DOCK10: variants seen among roughly 807,000 people sequenced by gnomAD.
DOCK10 encodes the protein dedicator of cytokinesis protein 10.
In DOCK10, 145 loss-of-function variants were observed where a neutral mutation model predicts 280.1. The observed-to-expected ratio is 0.52, with a 90% CI of 0.45 to 0.59. DOCK10 has a LOEUF of 0.59. Ranked by LOEUF, DOCK10 falls within the 20% of genes least tolerant of loss-of-function variation. The pLI is 0.00. For synonymous variants in DOCK10, 915 were observed against 942.2 expected, an observed-to-expected ratio of 0.97 and a Z score of 0.53; for missense variants, 2,368 against 2,651.7, an observed-to-expected ratio of 0.89 and a Z score of 2.35.
At chr2:225,016,864 G>C (rs1220590125) in intron 1 of DOCK10, among the ~76,000 whole-genome samples, 1 of 125,520 alleles carries the variant, frequency 8.0e-6, no homozygotes, top group African/African-American at 2.7e-5. Context: ...CACCATGCCT[G>C]GCTAATTTTT....
At chr2:224,824,074 A>G (rs1022598856) in intron 27 of DOCK10, among the ~76,000 whole-genome samples, 7 of 152,336 alleles carry the variant, frequency 4.6e-5, no homozygotes, top group Admixed American at 3.9e-4. Flanking sequence ...ATTTAAAAAT[A>G]AATTATTTTG....
chr2:224,953,789 C>A (rs1703892632), intron 1 of DOCK10, among the ~76,000 whole-genome samples: 1 of 152,102 alleles, frequency 6.6e-6, no homozygotes, highest in Non-Finnish European at 1.5e-5. Context: ...TACCTTTGTG[C>A]CAATCTAATC....
chr2:224,874,978 G>A (rs1411766056), intron 8 of DOCK10, among the ~76,000 whole-genome samples: 4 of 152,160 alleles, frequency 2.6e-5, no homozygotes, highest in Non-Finnish European at 5.9e-5. Context: ...ATACCATCTT[G>A]TGTCCACAAG....
chr2:224,824,867 A>G (rs1388501700), intron 27 of DOCK10, among the ~76,000 whole-genome samples: 1 of 152,076 alleles, frequency 6.6e-6, no homozygotes, highest in East Asian at 1.9e-4. Context: ...GAGCACCCAG[A>G]CTTCCATGCT....
At chr2:224,790,107 C>G (rs1692061769) in intron 47 of DOCK10, among the ~76,000 whole-genome samples, 1 of 152,186 alleles carries the variant, frequency 6.6e-6, no homozygotes, top group African/African-American at 2.4e-5. Context: ...CACTCTTTTA[C>G]ATTATGTAGA....
In DOCK10 at chr2:224,829,383, C is replaced by T. The variant is rs747775174; in HGVS notation, c.3036+1158G>A. On this transcript the variant is annotated intron_variant, in intron 27 of 55. Coordinates refer to ENST00000258390, the MANE Select transcript of DOCK10 (RefSeq NM_014689.3). ...ACGGGTGCTTGGTCTGTGGAGGTATCCTAGTGGGGGAGGCCAGGTGGGAGC... is the reference window on the plus strand; with the variant it reads ...ACGGGTGCTTGGTCTGTGGAGGTATTCTAGTGGGGGAGGCCAGGTGGGAGC... Among the ~76,000 whole-genome samples, 3 of 152,182 alleles carry T rather than the reference C, an allele frequency of 2.0e-5. No homozygotes were observed. In the East Asian group the frequency reaches 5.8e-4, roughly 29 times the overall value.
chr2:224,984,597 A>G (rs918155951), intron 1 of DOCK10, among the ~76,000 whole-genome samples: 4 of 149,306 alleles, frequency 2.7e-5, no homozygotes, highest in South Asian at 2.1e-4. Context: ...TTGGAATTCA[A>G]TACACACAAC....
Position 225,042,253 on chromosome 2 carries a change from CGCT to C in DOCK10, c.119_121del (p.Gln40del), listed in dbSNP as rs1171563722. ...GCGCGGAGGACGCGCCGCACTCACC[CGCT>C]GCTGCTGCCGGCTGCTGACTGCCAC... On this transcript the variant is annotated inframe_deletion and splice_region_variant, in exon 1 of 56. Coordinates refer to ENST00000258390, the MANE Select transcript of DOCK10 (RefSeq NM_014689.3). The surrounding 1 kb of genome is among the most constrained non-coding windows in gnomAD (Gnocchi z 5.1). 3.1e-6 allele frequency: 4 copies of C among 1,297,874 alleles called. No homozygotes were observed. The highest frequency in any genetic ancestry group is 4.7e-5 in the South Asian group (2 of 42,796). The allele number at this position is 1,297,874 out of a possible 1,614,324, so 80.4% of individuals were successfully genotyped here.
intron 27 of DOCK10, among the ~76,000 whole-genome samples, chr2:224,826,331 T>C (rs911793708): frequency 1.3e-5 from 2 of 152,104 alleles, no homozygotes; most frequent in Non-Finnish European, 2.9e-5. Flanking sequence ...CCCAAAGTGC[T>C]GGGATTACAG....
Position 225,042,314 on chromosome 2 carries a change from C to G in DOCK10, c.61G>C (p.Glu21Gln), listed in dbSNP as rs996048019. 1.5e-6 allele frequency: 2 copies of G among 1,354,852 alleles called. No individual in the cohort carries two copies. The highest frequency in any genetic ancestry group is 9.5e-7 in the Non-Finnish European group (1 of 1,050,076). 83.9% of individuals were successfully genotyped at this position (1,354,852 alleles called of 1,614,324 possible). ...RSLLRPGQAA[E>Q]LRHSAASAAA... is the part of the protein sequence containing the mutation. ...GCGGACGCGGCGCTGTGCCGGAGCT[C>G]GGCCGCCTGCCCAGGTCTCAACAGG... is the stretch of plus-strand genomic sequence containing the variant. The change falls in exon 1 of 56, where the codon GAG (glutamate) becomes CAG (glutamine). Residue 21 changes from glutamate to glutamine, a missense_variant. Transcript: ENST00000258390. This position sits in a 1 kb window ranked among gnomAD's most constrained non-coding sequence, Gnocchi z 5.1.
intron 1 of DOCK10, among the ~76,000 whole-genome samples, chr2:225,041,051 G>T (rs951507087): frequency 2.0e-5 from 3 of 152,012 alleles, no homozygotes; most frequent in Admixed American, 1.3e-4. Context: ...ACCCCCGCCC[G>T]CTCTACACCC....
At chr2:224,935,636 C>T (rs964722725) in intron 1 of DOCK10, among the ~76,000 whole-genome samples, 3 of 152,130 alleles carry the variant, frequency 2.0e-5, no homozygotes, top group Non-Finnish European at 2.9e-5. Context: ...AGTGCTGCCT[C>T]ACAGGATTAA....
At chr2:224,800,954 C>T (rs537472406) in intron 40 of DOCK10, among the ~76,000 whole-genome samples, 2 of 152,144 alleles carry the variant, frequency 1.3e-5, no homozygotes, top group East Asian at 3.9e-4. Context: ...GGGGCACTTC[C>T]AGGTTATAGG....
chr2:224,884,551 G>C (rs1305216483), intron 7 of DOCK10, among the ~76,000 whole-genome samples: 1 of 152,196 alleles, frequency 6.6e-6, no homozygotes, highest in Non-Finnish European at 1.5e-5. Context: ...CGATTCGAAA[G>C]CCAAATGTCC....
At chr2:224,783,199 T>C (rs76439432) in intron 50 of DOCK10, among the ~76,000 whole-genome samples, 1,559 of 152,256 alleles carry the variant, frequency 0.01, 23 homozygotes, top group African/African-American at 0.035. Context: ...TTTGAACTTA[T>C]GGAGTGTCGT....
intron 27 of DOCK10, among the ~76,000 whole-genome samples, chr2:224,825,441 C>G (rs778351336): frequency 1.3e-5 from 2 of 152,200 alleles, no homozygotes; most frequent in African/African-American, 4.8e-5. Flanking sequence ...TTTTTAAATT[C>G]TCTTCCATAA....
chr2:224,812,745 C>T (rs966457115), intron 31 of DOCK10, among the ~76,000 whole-genome samples: 1 of 152,172 alleles, frequency 6.6e-6, no homozygotes, highest in African/African-American at 2.4e-5. Flanking sequence ...TTGAGATAAT[C>T]ATGTGGTTTT....
chr2:224,829,008 A>G (rs533825506), intron 27 of DOCK10, among the ~76,000 whole-genome samples: 1 of 152,330 alleles, frequency 6.6e-6, no homozygotes, highest in South Asian at 2.1e-4. Flanking sequence ...GGGTCCCTAA[A>G]GGAAAGCCCC....
chr2:225,035,587 T>TATATAAAA (rs1553634969), intron 1 of DOCK10, among the ~76,000 whole-genome samples: 7 of 111,218 alleles, frequency 6.3e-5, no homozygotes, highest in African/African-American at 2.8e-4. Flanking sequence ...TATATATATA[T>TATATAAAA]AACACTGAAT....
Sources: allele counts gnomAD v4.1 joint callset (sites outside exome capture counted in the v4.1 genomes callset), GRCh38; gene constraint gnomAD v4.1.1; non-coding constraint Gnocchi (gnomAD v3.1); transcripts MANE v1.5; gene names NCBI Gene and HGNC (gene_info 2026-07-23, HGNC 2026-07-21).